The following PRLR variants were observed in gnomAD, a reference collection of about 807,000 sequenced individuals.
PRLR encodes the protein prolactin receptor, also known as hPRL receptor.
PRLR carries 13 observed loss-of-function variants against 40.2 expected under a neutral mutation model. The ratio of observed to expected loss-of-function variants is 0.32; its 90% confidence interval spans 0.21 to 0.51. The LOEUF is 0.51. PRLR is among the 20% of genes least tolerant of loss of function. PRLR has a pLI of 0.97. For missense variants in PRLR, 656 were observed against 747.3 expected (o/e 0.88, Z 1.42); for synonymous variants, 269 against 278.7 (o/e 0.97, Z 0.35).
rs577029748 is a variant in PRLR, at chr5:35,110,181, C to T, written c.-44+7880G>A. 3.9e-5 allele frequency among the ~76,000 whole-genome samples: 6 copies of T among 152,120 alleles called. No individual in the cohort carries two copies. The South Asian group carries it at 1.0e-3, about 26-fold the overall frequency. ...GATTTGAACAATGAGAACAGTTGGA[C>T]ACAGGGTGGGGAACAACACACACCA... On this transcript the variant is annotated intron_variant, in intron 2 of 9. Transcript: ENST00000618457.
chr5:35,175,764 C>T (rs1775129569), intron 1 of PRLR, among the ~76,000 whole-genome samples: 1 of 152,174 alleles, frequency 6.6e-6, no homozygotes, highest in Non-Finnish European at 1.5e-5. Flanking sequence ...CAAACTGCCC[C>T]CACTTCCTCC....
At chr5:35,081,809 AC>A (rs1770541252) in intron 5 of PRLR, 1 of 149,518 alleles carries the variant, frequency 6.7e-6, no homozygotes, top group Non-Finnish European at 1.5e-5. Flanking sequence ...ACACACACAC[AC>A]ACACCCCTCC....
chr5:35,065,040 T>C lies in PRLR; in HGVS notation c.*49A>G. On this transcript the variant is annotated 3_prime_UTR_variant, in exon 10 of 10. Transcript: ENST00000618457. ...GAGCATTTCACGTACTCTGTAGTGT[T>C]ACCTGAAGAAAAATCACATTTTAAC... 1.3e-6 allele frequency: 2 copies of C among 1,560,770 alleles called. No homozygotes were observed. The highest frequency in any genetic ancestry group is 1.7e-6 in the Non-Finnish European group (2 of 1,148,222).
rs182285316 is a variant in PRLR at position 35,212,290 on chromosome 5, T to C, written c.-106+17978A>G. ...CAAGTTAAAGATACTTCCTGAATTT[T>C]AGAAAGCTGGTGAGTTAGCAGGTTT... On this transcript the variant is annotated intron_variant, in intron 1 of 9. Coordinates refer to ENST00000618457, the MANE Select transcript of PRLR (RefSeq NM_000949.7). Among the ~76,000 whole-genome samples the C allele has an allele frequency of 2.2e-3, 339 of 152,380 alleles. 2 individuals carry two copies. Among genetic ancestry groups the C allele is most frequent in the Non-Finnish European group, 4.0e-3 (273 of 68,038 alleles).
chr5:35,199,188 A>G (rs1378055584), intron 1 of PRLR, among the ~76,000 whole-genome samples: 1 of 152,160 alleles, frequency 6.6e-6, no homozygotes, highest in African/African-American at 2.4e-5. Flanking sequence ...GCTCTTCTTA[A>G]TTATAAGGAA....
intron 1 of PRLR, among the ~76,000 whole-genome samples, chr5:35,202,990 C>A (rs1454170427): frequency 6.6e-6 from 1 of 152,080 alleles, no homozygotes; most frequent in Admixed American, 6.6e-5. Flanking sequence ...CAAAGTGAGC[C>A]CCCCATTGGC....
intron 1 of PRLR, among the ~76,000 whole-genome samples, chr5:35,123,254 A>G (rs1420818174): frequency 6.6e-6 from 1 of 152,222 alleles, no homozygotes; most frequent in Non-Finnish European, 1.5e-5. Flanking sequence ...AAATGGCTAA[A>G]AAACAGAAAG....
intron 2 of PRLR, among the ~76,000 whole-genome samples, chr5:35,095,859 C>G (rs1771507378): frequency 6.6e-6 from 1 of 152,172 alleles, no homozygotes; most frequent in Non-Finnish European, 1.5e-5. Flanking sequence ...GCAGTTTAGT[C>G]AGGTGAACGT....
At chr5:35,134,520 C>T (rs146970743) in intron 1 of PRLR, among the ~76,000 whole-genome samples, 1 of 152,346 alleles carries the variant, frequency 6.6e-6, no homozygotes, top group East Asian at 1.9e-4. Flanking sequence ...AACAACCACT[C>T]ATCAGTGGAT....
intron 8 of PRLR, chr5:35,049,534 TAAAC>T: frequency 3.3e-6 from 2 of 599,972 alleles, no homozygotes; most frequent in Non-Finnish European, 5.9e-6. Flanking sequence ...GTACTTCTGT[TAAAC>T]AAACTCAAGC....
intron 5 of PRLR, among the ~76,000 whole-genome samples, chr5:35,074,539 C>A (rs1376150446): frequency 7.2e-6 from 1 of 138,120 alleles, no homozygotes; most frequent in Non-Finnish European, 1.5e-5. Context: ...AATATCCAGA[C>A]GAGGCAAACT....
Position 35,065,339 on chromosome 5 carries a change from G to A in PRLR, c.1619C>T (p.Pro540Leu). 6.2e-7 allele frequency: 1 copy of A among 1,614,142 alleles called. No individual in the cohort carries two copies. The highest frequency in any genetic ancestry group is 1.1e-5 in the South Asian group (1 of 91,078). The change falls in exon 10 of 10, where the codon CCT becomes CTT. Residue 540 changes from proline to leucine, a missense_variant. Transcript: ENST00000618457. ...CTTGGCATACTCCTTATTGTTCTCA[G>A]GAGTCCCGGGCTTCTTGGGCTTGCC... is the stretch of plus-strand genomic sequence containing the variant. ...NSGKPKKPGT[P>L]ENNKEYAKVS...
At chr5:35,080,699 C>A (rs1201850928) in intron 5 of PRLR, among the ~76,000 whole-genome samples, 1 of 152,102 alleles carries the variant, frequency 6.6e-6, no homozygotes, top group East Asian at 1.9e-4. Flanking sequence ...TGCGTATATA[C>A]CCAAGGGATT....
intron 1 of PRLR, among the ~76,000 whole-genome samples, chr5:35,222,134 C>A (rs2111677355): frequency 6.6e-6 from 1 of 152,304 alleles, no homozygotes; most frequent in South Asian, 2.1e-4. Context: ...GAAACCCCAT[C>A]TCTACTAAAA....
rs59078228 is a variant in PRLR at position 35,196,035 on chromosome 5, TAAATAAAATA to T, written c.-106+34223_-106+34232del. 9.5e-3 allele frequency among the ~76,000 whole-genome samples: 1,416 copies of T among 149,048 alleles called. 36 individuals are homozygous for T. Among genetic ancestry groups the T allele is most frequent in the East Asian group, 0.07 (328 of 4,656 alleles). ...ACTCTTATGAAATATCGGCTCTCCC[TAAATAAAATA>T]AAATAAAATAAAATAAAATAAAATA... On this transcript the variant is annotated intron_variant, in intron 1 of 9. Transcript: ENST00000618457.
chr5:35,160,374 T>C (rs57592043), intron 1 of PRLR, among the ~76,000 whole-genome samples: 2,150 of 152,340 alleles, frequency 0.014, 62 homozygotes, highest in African/African-American at 0.049. Flanking sequence ...GAGAAAATTA[T>C]GGCAGTGAAG....
chr5:35,112,175 C>G (rs566349277), intron 2 of PRLR, among the ~76,000 whole-genome samples: 3 of 152,326 alleles, frequency 2.0e-5, no homozygotes, highest in Admixed American at 2.0e-4. Flanking sequence ...TTTTGATACT[C>G]ATGGCTTGCC....
chr5:35,171,989 C>G (rs1481912313), intron 1 of PRLR, among the ~76,000 whole-genome samples: 1 of 152,178 alleles, frequency 6.6e-6, no homozygotes, highest in East Asian at 1.9e-4. Flanking sequence ...CCAGTCACAG[C>G]CCTCAGGTTG....
chr5:35,099,616 C>T (rs249531), intron 2 of PRLR, among the ~76,000 whole-genome samples: 1 of 152,058 alleles, frequency 6.6e-6, no homozygotes, highest in East Asian at 1.9e-4. Flanking sequence ...TTGTCATGAG[C>T]TGACAGCTCC....
Sources: allele counts gnomAD v4.1 joint callset (sites outside exome capture counted in the v4.1 genomes callset), GRCh38; gene constraint gnomAD v4.1.1; transcripts MANE v1.5; gene names NCBI Gene and HGNC (gene_info 2026-07-23, HGNC 2026-07-21).